The following CUBN variants were observed in gnomAD, a reference collection of about 807,000 sequenced individuals.
CUBN encodes cubilin.
Under a neutral mutation model 405.3 loss-of-function variants are expected in CUBN, and 282 were observed. The ratio of observed to expected loss-of-function variants is 0.70; its 90% CI spans 0.63 to 0.77. The LOEUF is 0.77. Among genes scored for constraint, CUBN ranks in the 30% least tolerant of loss-of-function variants. The pLI is 0.00. For missense variants in CUBN, 4,514 were observed against 4,475.2 expected (o/e 1.01, Z -0.25); for synonymous variants, 1,684 against 1,617.0 (o/e 1.04, Z -0.99).
chr10:17,128,610 T>C (rs1469872097), intron 2 of CUBN, among the ~76,000 whole-genome samples: 1 of 152,190 alleles, frequency 6.6e-6, no homozygotes, highest in African/African-American at 2.4e-5. Context: ...TTCTCTGGAC[T>C]AGGGTGCATT....
At chr10:17,031,520 T>C (rs1011730640) in intron 27 of CUBN, among the ~76,000 whole-genome samples, 1 of 152,218 alleles carries the variant, frequency 6.6e-6, no homozygotes, top group Non-Finnish European at 1.5e-5. Context: ...ATTCTGAAGT[T>C]ACCTGCTTCA....
In CUBN at chr10:17,036,173, A is replaced by G. The variant is rs550760496; in HGVS notation, c.4017+4860T>C. ...GTCCATAGGCAGGCTAGACCCATGC[A>G]TTTGCTGTCGAGCTCAAACACATGA... On this transcript the variant is annotated intron_variant, in intron 27 of 66. Transcript: ENST00000377833. Among the ~76,000 whole-genome samples the G allele has an allele frequency of 9.9e-5, 15 of 152,206 alleles. No individual in the cohort carries two copies. In the East Asian group the frequency reaches 2.5e-3, roughly 25 times the overall value.
intron 10 of CUBN, among the ~76,000 whole-genome samples, chr10:17,109,334 G>A (rs950998644): frequency 6.6e-6 from 1 of 152,202 alleles, no homozygotes; most frequent in African/African-American, 2.4e-5. Flanking sequence ...AGAAATGGAA[G>A]AGTCCTTCAA....
Position 17,124,717 on chromosome 10 carries a change from C to T in CUBN, c.388-1028G>A, listed in dbSNP as rs192722424. On this transcript the variant is annotated intron_variant, in intron 4 of 66. Transcript: ENST00000377833. ...TGCTGGGATTACAGGTGTGAGCCACCGCGCCCAGCCAGAGAAAACTTCTTT... is the reference window on the plus strand; with the variant it reads ...TGCTGGGATTACAGGTGTGAGCCACTGCGCCCAGCCAGAGAAAACTTCTTT... Among the ~76,000 whole-genome samples, 1,334 of 152,124 alleles carry T rather than the reference C, an allele frequency of 8.8e-3. 7 individuals are homozygous for T. Among genetic ancestry groups the T allele is most frequent in the African/African-American group, 0.016 (673 of 41,524 alleles).
At chr10:16,980,666 G>T (rs1833242861) in intron 31 of CUBN, among the ~76,000 whole-genome samples, 1 of 152,054 alleles carries the variant, frequency 6.6e-6, no homozygotes, top group Non-Finnish European at 1.5e-5. Flanking sequence ...ACAGGGAGGG[G>T]AACATCACAC....
At chr10:17,043,118 A>G (rs1047281591) in intron 26 of CUBN, among the ~76,000 whole-genome samples, 1 of 152,206 alleles carries the variant, frequency 6.6e-6, no homozygotes, top group African/African-American at 2.4e-5. Flanking sequence ...GAGACCATCT[A>G]ATTTAATCTC....
At chr10:16,925,976 A>T (rs1274066100) in intron 41 of CUBN, among the ~76,000 whole-genome samples, 2 of 152,296 alleles carry the variant, frequency 1.3e-5, no homozygotes, top group Non-Finnish European at 2.9e-5. Context: ...GGTCATTGAG[A>T]TCTGGGATAC....
Position 17,104,564 on chromosome 10 carries a change from C to A in CUBN, c.1272G>T (p.Trp424Cys), listed in dbSNP as rs563035840. 18 of 1,613,670 alleles carry A rather than the reference C, an allele frequency of 1.1e-5. No individual in the cohort carries two copies. The highest frequency in any genetic ancestry group is 6.7e-5 in the African/African-American group (5 of 74,876). Residue 424 changes from tryptophan to cysteine, a missense_variant, in exon 12 of 67, where the codon TGG becomes TGT. Trp to Cys is a radical substitution (Grantham distance 215). Transcript: ENST00000377833. ...SGYFCKCDSG[W>C]TGVNCTENIN... ...TGTTTTCTGTACAGTTGACACCTGT[C>A]CAACCTGAGTCACACTTACAAAAAT... is the stretch of plus-strand genomic sequence containing the variant.
At chr10:17,070,579 T>A (rs1835718276) in intron 19 of CUBN, among the ~76,000 whole-genome samples, 1 of 152,216 alleles carries the variant, frequency 6.6e-6, no homozygotes, top group South Asian at 2.1e-4. Context: ...GTTTTACACT[T>A]ATTTTTAAAA....
At chr10:17,113,406 G>A (rs1212303558) in intron 8 of CUBN, among the ~76,000 whole-genome samples, 1 of 134,570 alleles carries the variant, frequency 7.4e-6, no homozygotes, top group Non-Finnish European at 1.6e-5. Context: ...ACAGTGCTTT[G>A]CTCATAGTAG....
chr10:16,952,333 G>C lies in CUBN; in HGVS notation c.4912C>G (p.Pro1638Ala), dbSNP rs777286188. 3 of 1,613,854 alleles carry C rather than the reference G, an allele frequency of 1.9e-6. No homozygotes were observed. Among genetic ancestry groups the C allele is most frequent in the African/African-American group, 2.7e-5 (2 of 74,892 alleles). ...SFDTVSSPRF[P>A]ANYPNNQNCS... ...TTCTGATTGTTTGGATAATTGGCAG[G>C]GAACCGTGGAGAGGAAACAGTATCA... The change falls in exon 33 of 67, where the codon CCT becomes GCT. Residue 1638 changes from proline to alanine, a missense_variant. Pro to Ala is a conservative substitution (Grantham distance 27, BLOSUM62 -1). This residue lies in a region of CUBN where 1,613 missense variants were observed against 1,542.8 expected (regional missense o/e 1.05). Coordinates refer to ENST00000377833, the MANE Select transcript of CUBN (RefSeq NM_001081.4).
chr10:16,936,158 A>C (rs1346378191), intron 39 of CUBN, among the ~76,000 whole-genome samples: 1 of 152,162 alleles, frequency 6.6e-6, no homozygotes, highest in African/African-American at 2.4e-5. Context: ...TAATTATGAA[A>C]TTTCGTAATA....
intron 14 of CUBN, among the ~76,000 whole-genome samples, chr10:17,090,826 T>TAAAAAAAAAAAAAA (rs59564374): frequency 2.1e-5 from 2 of 94,012 alleles, no homozygotes; most frequent in Non-Finnish European, 2.4e-5. Flanking sequence ...AAATGTAAAG[T>TAAAAAAAAAAAAAA]AAAAAAAAAA....
intron 30 of CUBN, 33 bp from the exon 31 acceptor site, chr10:16,982,686 G>A (rs1287925918): frequency 6.3e-7 from 1 of 1,583,372 alleles, no homozygotes; most frequent in African/African-American, 1.3e-5. Flanking sequence ...TTTCATGAGA[G>A]GAATCATGGA....
At chr10:16,882,968 C>T (rs922018420) in intron 56 of CUBN, among the ~76,000 whole-genome samples, 5 of 150,932 alleles carry the variant, frequency 3.3e-5, no homozygotes, top group East Asian at 1.9e-4. Context: ...GAGCTGAGAT[C>T]GCACCACTGT....
intron 23 of CUBN, among the ~76,000 whole-genome samples, 187 bp from the exon 24 acceptor site, chr10:17,046,281 A>G (rs555176566): frequency 2.0e-5 from 3 of 152,328 alleles, no homozygotes; most frequent in East Asian, 1.9e-4. Flanking sequence ...TCATATTTGA[A>G]TGACTTAACA....
At chr10:17,109,796 T>C in intron 9 of CUBN, 61 bp from the exon 10 acceptor site, 1 of 1,311,542 alleles carries the variant, frequency 7.6e-7, no homozygotes, top group Non-Finnish European at 1.1e-6. Flanking sequence ...GGACAAAGCC[T>C]GTCTAGGATT....
intron 50 of CUBN, among the ~76,000 whole-genome samples, chr10:16,905,037 A>G (rs1398841478): frequency 1.3e-5 from 2 of 152,172 alleles, no homozygotes; most frequent in Non-Finnish European, 2.9e-5. Context: ...TCACGTTCTC[A>G]AAGGTAATTA....
At chr10:16,993,215 A>C (rs1833643170) in intron 28 of CUBN, among the ~76,000 whole-genome samples, 1 of 152,260 alleles carries the variant, frequency 6.6e-6, no homozygotes, top group Non-Finnish European at 1.5e-5. Flanking sequence ...AATCTAGAGG[A>C]AAATAACTTT....
Sources: gnomAD v4.1 joint callset for allele counts (sites outside exome capture counted in the v4.1 genomes callset) on GRCh38, gnomAD v4.1.1 for gene constraint, gnomAD v4.1.1 regional missense constraint, MANE v1.5 for transcripts, NCBI Gene and HGNC (gene_info 2026-07-23, HGNC 2026-07-21) for gene names.